The following RTL8A variants were observed in gnomAD, a reference collection of about 807,000 sequenced individuals.
The protein encoded by RTL8A is retrotransposon Gag-like protein 8A.
RTL8A carries 4 observed loss-of-function variants against 4.4 expected under a neutral mutation model. The observed-to-expected ratio is 0.92, with a 90% CI of 0.45 to 2.10. The LOEUF (loss-of-function observed/expected upper bound fraction) is 2.10, where lower values mean the gene tolerates loss of function less well. Ranked by LOEUF, RTL8A falls within the 30% of genes most tolerant of loss-of-function variation. The probability of loss-of-function intolerance (pLI) is 0.03; values close to 1 mark genes in which losing one functional copy is unlikely to be tolerated. For missense variants in RTL8A, 84 were observed against 99.4 expected, an observed-to-expected ratio of 0.85 and a Z score of 0.66; for synonymous variants, 47 against 45.3, an observed-to-expected ratio of 1.04 and a Z score of -0.15.
Position 135,051,322 on chromosome X carries a change from T to A in RTL8A, c.*445A>T. 1 of 991,021 alleles carries A rather than the reference T, an allele frequency of 1.0e-6. No individual in the cohort carries two copies. The highest frequency in any genetic ancestry group is 2.0e-5 in the South Asian group (1 of 50,587). 81.7% of individuals were successfully genotyped at this position (991,021 alleles called of 1,213,427 possible). A position where few individuals can be genotyped will look rare whatever the true frequency, so the allele number is the denominator to read the frequency against. On this transcript the variant is annotated 3_prime_UTR_variant, in exon 1 of 1. Coordinates refer to ENST00000370775, the MANE Select transcript of RTL8A (RefSeq NM_001078172.2). The stretch of plus-strand genomic sequence containing the variant: ...GAGTCCACATCACTAGGAGCCACAG[T>A]CTGTTGGTGAGATGCGGTGGATGGC...
chrX:135,051,651 C>G lies in RTL8A; in HGVS notation c.*116G>C. On this transcript the variant is annotated 3_prime_UTR_variant, in exon 1 of 1. Transcript: ENST00000370775. ...GACAGGAGCGCAGGGGACATCGCGG[C>G]GGCTCGAGGGGGAGGGAGGCGCGGA... is the stretch of plus-strand genomic sequence containing the variant. 2 of 1,112,327 alleles carry G rather than the reference C, an allele frequency of 1.8e-6. No individual in the cohort carries two copies. The highest frequency in any genetic ancestry group is 2.4e-6 in the Non-Finnish European group (2 of 848,264). The allele number at this position is 1,112,327 out of a possible 1,213,427, so 91.7% of individuals were successfully genotyped here.
chrX:135,051,338 G>C lies in RTL8A; in HGVS notation c.*429C>G. On this transcript the variant is annotated 3_prime_UTR_variant, in exon 1 of 1. Coordinates refer to ENST00000370775, the MANE Select transcript of RTL8A (RefSeq NM_001078172.2). ...GAGCCACAGTCTGTTGGTGAGATGC[G>C]GTGGATGGCGATGGCAGTGGTAGCG... 1 of 995,460 alleles carries C rather than the reference G, an allele frequency of 1.0e-6. No individual in the cohort carries two copies. Among genetic ancestry groups the C allele is most frequent in the Non-Finnish European group, 1.3e-6 (1 of 763,985 alleles). The allele number at this position is 995,460 out of a possible 1,213,427, so 82.0% of individuals were successfully genotyped here.
Position 135,051,566 on chromosome X carries a change from A to G in RTL8A, c.*201T>C. Reference sequence around the variant, plus strand: ...AGCGCGCTCTAGAGTGCGGCCCAGGAGCTGCAGCAGGAGCCTGGAGCGCTA... The same window carrying G: ...AGCGCGCTCTAGAGTGCGGCCCAGGGGCTGCAGCAGGAGCCTGGAGCGCTA... On this transcript the variant is annotated 3_prime_UTR_variant, in exon 1 of 1. Transcript: ENST00000370775. 8.9e-7 allele frequency: 1 copy of G among 1,117,345 alleles called. No individual in the cohort carries two copies. The highest frequency in any genetic ancestry group is 1.2e-6 in the Non-Finnish European group (1 of 847,188). 92.1% of individuals were successfully genotyped at this position (1,117,345 alleles called of 1,213,427 possible).
rs779210625 is a variant in RTL8A, at chrX:135,051,800, C to T, written c.309G>A (p.Arg103=). 2.0e-5 allele frequency: 24 copies of T among 1,203,497 alleles called. No individual in the cohort carries two copies. Among genetic ancestry groups the T allele is most frequent in the Middle Eastern group, 2.3e-4 (1 of 4,293 alleles). Residue 103 remains arginine, a synonymous_variant, in exon 1 of 1, where the codon CGG becomes CGA. Coordinates refer to ENST00000370775, the MANE Select transcript of RTL8A (RefSeq NM_001078172.2). ...DYRGFLAEMK[R]VFGWEEDEDF ...CCTCGTCCTCCTCCCATCCAAAGAC[C>T]CGCTTCATCTCGGCCAGGAAGCCCC...
Position 135,051,464 on chromosome X carries a change from G to C in RTL8A, c.*303C>G. ...GTGGTCTGTCCAGTATGTAACAGGA[G>C]CCCAGCTTGCACCTGAAGTGCAGGA... On this transcript the variant is annotated 3_prime_UTR_variant, in exon 1 of 1. Transcript: ENST00000370775. 2 of 1,110,625 alleles carry C rather than the reference G, an allele frequency of 1.8e-6. No homozygotes were observed. The highest frequency in any genetic ancestry group is 2.4e-6 in the Non-Finnish European group (2 of 836,444). The allele number at this position is 1,110,625 out of a possible 1,213,427, so 91.5% of individuals were successfully genotyped here.
At position 135,051,011 on chromosome X, in the gene RTL8A, G is replaced by C. The variant is rs2083333752; in HGVS notation, c.*756C>G. Reference sequence around the variant, plus strand: ...AGGTAGTGTATTAGAGCAGGGAAGGGAGCAGGGCTTACTGTGTTGAACAAA... The same window carrying C: ...AGGTAGTGTATTAGAGCAGGGAAGGCAGCAGGGCTTACTGTGTTGAACAAA... On this transcript the variant is annotated 3_prime_UTR_variant, in exon 1 of 1. Coordinates refer to ENST00000370775, the MANE Select transcript of RTL8A (RefSeq NM_001078172.2). 3.9e-6 allele frequency: 1 copy of C among 256,257 alleles called. No homozygotes were observed. Among genetic ancestry groups the C allele is most frequent in the Non-Finnish European group, 7.6e-6 (1 of 132,012 alleles). The allele number at this position is 256,257 out of a possible 1,213,427, so 21.1% of individuals were successfully genotyped here. A position where few individuals can be genotyped will look rare whatever the true frequency, so the allele number is the denominator to read the frequency against.
chrX:135,052,113 CCG>C lies in RTL8A; in HGVS notation c.-7_-6del. The C allele has an allele frequency of 2.5e-6, 3 of 1,191,684 alleles. No individual in the cohort carries two copies. The highest frequency in any genetic ancestry group is 3.4e-6 in the Non-Finnish European group (3 of 885,519). On this transcript the variant is annotated 5_prime_UTR_variant, in exon 1 of 1. Coordinates refer to ENST00000370775, the MANE Select transcript of RTL8A (RefSeq NM_001078172.2). Reference sequence around the variant, plus strand: ...CAGCTGCACCCGACCGTCCATCGTGCCGCGCGCGCTCCGCGGAGTTTCGCTGG... The same window carrying C: ...CAGCTGCACCCGACCGTCCATCGTGCCGCGCGCTCCGCGGAGTTTCGCTGG...
chrX:135,052,019 G>A lies in RTL8A; in HGVS notation c.90C>T (p.Pro30=), dbSNP rs765819241. The A allele has an allele frequency of 1.7e-6, 2 of 1,211,454 alleles. No individual in the cohort carries two copies. Among genetic ancestry groups the A allele is most frequent in the Non-Finnish European group, 2.2e-6 (2 of 895,397 alleles). Reference sequence around the variant, plus strand: ...GGTCGGTATCTCCGTCAAACGTCTCGGGAAAGGGAATCGGGTTCCTCCAGC... The same window carrying A: ...GGTCGGTATCTCCGTCAAACGTCTCAGGAAAGGGAATCGGGTTCCTCCAGC... The part of the protein sequence containing the change: ...ARRWRNPIPF[P]ETFDGDTDRL... Residue 30 remains proline (P), a synonymous_variant, in exon 1 of 1, where the codon CCC becomes CCT. Coordinates refer to ENST00000370775, the MANE Select transcript of RTL8A (RefSeq NM_001078172.2).
Sources: gnomAD v4.1 joint callset for allele counts on GRCh38, gnomAD v4.1.1 for gene constraint, MANE v1.5 for transcripts, NCBI Gene and HGNC (gene_info 2026-07-23, HGNC 2026-07-21) for gene names.